Variants in GALNS observed in about 807,000 individuals in gnomAD.
The protein encoded by GALNS is galactosamine (N-acetyl)-6-sulfatase.
GALNS carries 65 observed loss-of-function variants against 65.9 expected under a neutral mutation model. The ratio of observed to expected loss-of-function variants is 0.99; its 90% CI spans 0.81 to 1.21. The LOEUF (loss-of-function observed/expected upper bound fraction) is 1.21. Ranked by LOEUF, GALNS falls within the 50% of genes most tolerant of loss-of-function variation. The probability of loss-of-function intolerance (pLI) is 0.00; values close to 1 mark genes in which losing one functional copy is unlikely to be tolerated. For synonymous variants in GALNS, 346 were observed against 288.9 expected (o/e 1.20, Z -2.00); for missense variants, 776 against 700.7 (o/e 1.11, Z -1.21).
At chr16:88,830,648 A>G (rs1053831919) in intron 9 of GALNS, among the ~76,000 whole-genome samples, 2 of 152,230 alleles carry the variant, frequency 1.3e-5, no homozygotes, top group African/African-American at 4.8e-5. Flanking sequence ...CTGTTACAGA[A>G]GACCACACGG....
Position 88,836,062 on chromosome 16 carries a change from G to GAT in GALNS, c.633+138_633+139insAT, listed in dbSNP as rs1912103958. On this transcript the variant is annotated intron_variant, in intron 6 of 13. Coordinates refer to ENST00000268695, the MANE Select transcript of GALNS (RefSeq NM_000512.5). ...GTCCCCACGCGTCCCACGGGGCGAG[G>GAT]GTGATGAGGTCCCTGAACCCATGCC... The GAT allele has an allele frequency of 1.9e-5, 21 of 1,107,184 alleles. 1 individual carries two copies. Among genetic ancestry groups the GAT allele is most frequent in the South Asian group, 6.6e-5 (5 of 75,982 alleles). 68.6% of individuals were successfully genotyped at this position (1,107,184 alleles called of 1,614,324 possible).
intron 9 of GALNS, among the ~76,000 whole-genome samples, chr16:88,830,321 G>C (rs1197036060): frequency 6.6e-6 from 1 of 151,924 alleles, no homozygotes; most frequent in African/African-American, 2.4e-5. Flanking sequence ...GAGGGGCCAG[G>C]AGCTCAGGAA....
chr16:88,824,502 CA>C (rs753861622), intron 11 of GALNS, among the ~76,000 whole-genome samples: 1 of 152,084 alleles, frequency 6.6e-6, no homozygotes, highest in Non-Finnish European at 1.5e-5. Context: ...GCCACCTGAC[CA>C]GGGTCTAGGC....
chr16:88,817,218 C>T (rs1284756148), intron 13 of GALNS: 1 of 983,350 alleles, frequency 1.0e-6, no homozygotes, highest in Non-Finnish European at 1.2e-6. Flanking sequence ...CCTGAGAGGC[C>T]CTGACTGCTG....
chr16:88,848,771 G>T (rs1190936927), intron 1 of GALNS, among the ~76,000 whole-genome samples: 1 of 151,654 alleles, frequency 6.6e-6, no homozygotes, highest in African/African-American at 2.4e-5. Flanking sequence ...GGGGGTGGCA[G>T]CGTGCTGACT....
intron 11 of GALNS, among the ~76,000 whole-genome samples, chr16:88,823,359 TTC>T (rs1420812870): frequency 6.6e-6 from 1 of 152,246 alleles, no homozygotes; most frequent in African/African-American, 2.4e-5. Flanking sequence ...GTAACCACAA[TTC>T]TCTTTCTGCT....
At chr16:88,825,318 G>C (rs1448118280) in intron 10 of GALNS, among the ~76,000 whole-genome samples, 4 of 131,746 alleles carry the variant, frequency 3.0e-5, no homozygotes, top group Non-Finnish European at 6.1e-5. Context: ...GGGCGACTGG[G>C]TATCTGGGGT....
At chr16:88,841,330 G>A (rs1966962364) in intron 3 of GALNS, among the ~76,000 whole-genome samples, 2 of 152,114 alleles carry the variant, frequency 1.3e-5, no homozygotes, top group South Asian at 4.1e-4. Flanking sequence ...CAGACTCCGT[G>A]CCCCCCAGCG....
At chr16:88,834,781 T>C (rs1422291546) in intron 8 of GALNS, among the ~76,000 whole-genome samples, 2 of 152,048 alleles carry the variant, frequency 1.3e-5, no homozygotes, top group Non-Finnish European at 2.9e-5. Flanking sequence ...CAGGAGTCCA[T>C]CTTCATGGAG....
rs2143005072 is a variant in GALNS, at chr16:88,841,903, T to C, written c.313A>G (p.Arg105Gly). 1 of 1,613,058 alleles carries C rather than the reference T, an allele frequency of 6.2e-7. No homozygotes were observed. The highest frequency in any genetic ancestry group is 1.1e-5 in the South Asian group (1 of 90,846). ...NGFYTTNAHA[R>G]NAYTPQEIVG... ...GAGGCGGTGGGCAGCCTACCGTTTC[T>C]GGCATGGGCGTTGGTGGTGTAGAAG... Residue 105 changes from arginine to glycine, a missense_variant, in exon 3 of 14, where the codon AGA becomes GGA. Arg to Gly is a moderately radical substitution (Grantham distance 125). Transcript: ENST00000268695.
intron 9 of GALNS, among the ~76,000 whole-genome samples, chr16:88,830,884 A>G (rs532199454): frequency 7.5e-4 from 114 of 151,936 alleles, no homozygotes; most frequent in African/African-American, 2.6e-3. Flanking sequence ...GCTTTGGGGG[A>G]AAAAACGACC....
intron 8 of GALNS, 39 bp from the exon 9 acceptor site, chr16:88,832,140 A>G: frequency 1.3e-6 from 2 of 1,557,444 alleles, no homozygotes; most frequent in South Asian, 2.2e-5. Context: ...CTGGGACCAG[A>G]TGTCCCCAGG....
chr16:88,849,370 C>T (rs1190794349), intron 1 of GALNS, among the ~76,000 whole-genome samples: 3 of 151,970 alleles, frequency 2.0e-5, no homozygotes, highest in East Asian at 1.9e-4. Context: ...CTGCAACCTC[C>T]GGCTCTTGGG....
chr16:88,827,952 G>A (rs1027019062), intron 9 of GALNS, among the ~76,000 whole-genome samples: 2 of 152,210 alleles, frequency 1.3e-5, no homozygotes, highest in Non-Finnish European at 2.9e-5. Context: ...CCAGCTCCTC[G>A]CTAGGGCAGA....
At position 88,835,229 on chromosome 16, in the gene GALNS, A is replaced by T. The variant is rs754566830; in HGVS notation, c.882T>A (p.Ile294=). 6.3e-7 allele frequency: 1 copy of T among 1,593,886 alleles called. No homozygotes were observed. Among genetic ancestry groups the T allele is most frequent in the Non-Finnish European group, 8.6e-7 (1 of 1,169,114 alleles). The change falls in exon 8 of 14, where the codon ATT becomes ATA. Residue 294 remains isoleucine, a synonymous_variant. Transcript: ENST00000268695. ...FFTSDNGAAL[I]SAPEQGGSNG... is the part of the protein sequence containing the mutation. ...AGCACTCACCTTGTTCGGGGGCGGA[A>T]ATGAGGGCAGCGCCGTTGTCCGACG...
chr16:88,833,250 C>G (rs545417152), intron 8 of GALNS, among the ~76,000 whole-genome samples: 3 of 152,144 alleles, frequency 2.0e-5, no homozygotes, highest in Non-Finnish European at 4.4e-5. Context: ...GAGCCCCTCA[C>G]GGGCAAACAC....
intron 1 of GALNS, among the ~76,000 whole-genome samples, chr16:88,848,020 G>T (rs1967331402): frequency 6.6e-6 from 1 of 152,206 alleles, no homozygotes; most frequent in Admixed American, 6.5e-5. Context: ...GCCACGAAAA[G>T]GAATGGAGTC....
At chr16:88,832,651 C>G (rs1234413613) in intron 8 of GALNS, among the ~76,000 whole-genome samples, 2 of 152,208 alleles carry the variant, frequency 1.3e-5, no homozygotes, top group Non-Finnish European at 2.9e-5. Flanking sequence ...GGCTCACTCC[C>G]AGACATGGAA....
chr16:88,815,756 T>A (rs746500168), intron 13 of GALNS: 1 of 985,324 alleles, frequency 1.0e-6, no homozygotes, highest in Admixed American at 6.1e-5. Flanking sequence ...CGCATGAGTG[T>A]CCCTGCCCCC....
Sources: allele counts gnomAD v4.1 joint callset (sites outside exome capture counted in the v4.1 genomes callset), GRCh38; gene constraint gnomAD v4.1.1; transcripts MANE v1.5; gene names NCBI Gene and HGNC (gene_info 2026-07-23, HGNC 2026-07-21).